The following SH3RF2 variants were observed in gnomAD, a reference collection of about 807,000 sequenced individuals.
SH3RF2 encodes SH3 domain containing ring finger 2, also known as E3 ubiquitin-protein ligase SH3RF2.
Under a neutral mutation model 59.0 loss-of-function variants are expected in SH3RF2, and 43 were observed. The observed-to-expected ratio is 0.73, with a 90% confidence interval of 0.57 to 0.94. The LOEUF (loss-of-function observed/expected upper bound fraction) is 0.94, where lower values mean the gene tolerates loss of function less well. Among genes scored for constraint, SH3RF2 ranks in the 40% least tolerant of loss-of-function variants. SH3RF2 has a pLI of 0.00. For missense variants in SH3RF2, 930 were observed against 940.1 expected, an observed-to-expected ratio of 0.99 and a Z score of 0.14; for synonymous variants, 391 against 391.5, an observed-to-expected ratio of 1.00 and a Z score of 0.01.
chr5:146,046,446 T>G (rs771795122), intron 5 of SH3RF2, among the ~76,000 whole-genome samples: 2 of 152,090 alleles, frequency 1.3e-5, no homozygotes, highest in Non-Finnish European at 2.9e-5. Flanking sequence ...ACACACAGAG[T>G]TACCATCATT....
rs1429446703 is a variant in SH3RF2, at chr5:146,057,982, ATC to A, written c.1555+1771_1555+1772del. Reference sequence around the variant, plus strand: ...TCTCTCTCTCTCTATCTATCTATCTATCTATATATATATATTTGATTTAAAAA... The same window carrying A: ...TCTCTCTCTCTCTATCTATCTATCTATATATATATATATTTGATTTAAAAA... On this transcript the variant is annotated intron_variant, in intron 8 of 9. Transcript: ENST00000359120. 6.3e-4 allele frequency among the ~76,000 whole-genome samples: 84 copies of A among 134,146 alleles called. 1 individual carries two copies. Among genetic ancestry groups the A allele is most frequent in the African/African-American group, 2.2e-3 (81 of 37,028 alleles). 88.0% of individuals were successfully genotyped at this position (134,146 alleles called of 152,430 possible). A position where few individuals can be genotyped will look rare whatever the true frequency, so the allele number is the denominator to read the frequency against.
intron 5 of SH3RF2, among the ~76,000 whole-genome samples, chr5:146,041,322 C>T (rs779065442): frequency 2.0e-5 from 3 of 152,172 alleles, no homozygotes; most frequent in Non-Finnish European, 4.4e-5. Flanking sequence ...CACGCTCAGG[C>T]TTACACAGCA....
intron 5 of SH3RF2, among the ~76,000 whole-genome samples, chr5:146,017,336 A>C (rs1164337943): frequency 6.6e-6 from 1 of 151,840 alleles, no homozygotes; most frequent in African/African-American, 2.4e-5. Flanking sequence ...CACATGACAC[A>C]AGTTAGAAAG....
In SH3RF2 at chr5:146,080,217, G is replaced by A. The variant is rs1388362621; in HGVS notation, c.*1791G>A. On this transcript the variant is annotated 3_prime_UTR_variant, in exon 10 of 10. Transcript: ENST00000511217. ...ATAGTTTGCTAATGGTGACATCTGA[G>A]TTGCATCTCCCGGAAATATTGTTTC... 2.0e-5 allele frequency: 3 copies of A among 152,094 alleles called. No homozygotes were observed. The East Asian group carries it at 5.8e-4, about 29-fold the overall frequency. The allele number at this position is 152,094 out of a possible 1,614,324, so 9.4% of individuals were successfully genotyped here. A position where few individuals can be genotyped will look rare whatever the true frequency, so the allele number is the denominator to read the frequency against.
chr5:146,069,982 G>A (rs201125000), intron 9 of SH3RF2, among the ~76,000 whole-genome samples: 23 of 143,272 alleles, frequency 1.6e-4, no homozygotes, highest in East Asian at 4.0e-4. Flanking sequence ...AATGGAAACT[G>A]AAAAAAAAAA....
intron 9 of SH3RF2, among the ~76,000 whole-genome samples, chr5:146,070,719 T>A (rs533735844): frequency 6.6e-6 from 1 of 152,292 alleles, no homozygotes; most frequent in Non-Finnish European, 1.5e-5. Flanking sequence ...AGAGCTGACA[T>A]CTTCTTCCAG....
chr5:145,991,128 G>A (rs937793008), intron 2 of SH3RF2, among the ~76,000 whole-genome samples: 7 of 152,184 alleles, frequency 4.6e-5, no homozygotes, highest in Non-Finnish European at 7.4e-5. Flanking sequence ...AAACATGCTA[G>A]GTGACTTCAG....
chr5:146,070,561 TC>T (rs979711888), intron 9 of SH3RF2, among the ~76,000 whole-genome samples: 1 of 152,190 alleles, frequency 6.6e-6, no homozygotes, highest in Non-Finnish European at 1.5e-5. Context: ...CATTTTGCAT[TC>T]CCCAGGTCAC....
At chr5:145,993,509 C>T (rs1414027746) in intron 2 of SH3RF2, among the ~76,000 whole-genome samples, 8 of 152,244 alleles carry the variant, frequency 5.3e-5, no homozygotes, top group African/African-American at 1.9e-4. Context: ...TTCCATACAT[C>T]TTCTGAAATC....
At chr5:146,059,464 T>C (rs1377608796) in intron 8 of SH3RF2, among the ~76,000 whole-genome samples, 1 of 152,158 alleles carries the variant, frequency 6.6e-6, no homozygotes, top group Non-Finnish European at 1.5e-5. Context: ...CAATGTCTTC[T>C]ATTTCCTATC....
intron 2 of SH3RF2, among the ~76,000 whole-genome samples, chr5:145,982,122 G>A (rs1436005365): frequency 1.3e-5 from 2 of 152,168 alleles, no homozygotes; most frequent in African/African-American, 4.8e-5. Flanking sequence ...GACATTCTGT[G>A]GTGACAAAAG....
intron 2 of SH3RF2, among the ~76,000 whole-genome samples, chr5:145,971,377 G>A (rs1254677739): frequency 6.6e-6 from 1 of 152,176 alleles, no homozygotes; most frequent in South Asian, 2.1e-4. Context: ...AGCTAGTTGA[G>A]GAAAAAAGAG....
intron 4 of SH3RF2, among the ~76,000 whole-genome samples, chr5:146,010,712 T>C (rs183996764): frequency 1.1e-3 from 161 of 152,322 alleles, no homozygotes; most frequent in African/African-American, 3.6e-3. Context: ...TTTTGCCCAC[T>C]TGTTGATGGG....
At chr5:145,987,659 G>A (rs1214083641) in intron 2 of SH3RF2, among the ~76,000 whole-genome samples, 2 of 152,102 alleles carry the variant, frequency 1.3e-5, no homozygotes, top group African/African-American at 4.8e-5. Flanking sequence ...TTATAAGTCT[G>A]ATCTTTGTTT....
intron 5 of SH3RF2, among the ~76,000 whole-genome samples, chr5:146,038,447 A>C (rs1307327010): frequency 6.6e-6 from 1 of 152,228 alleles, no homozygotes. Context: ...ATCTAGAAAA[A>C]ATGTAATGGG....
chr5:145,982,293 C>T (rs1314074979), intron 2 of SH3RF2, among the ~76,000 whole-genome samples: 2 of 152,214 alleles, frequency 1.3e-5, no homozygotes, highest in African/African-American at 4.8e-5. Context: ...CATCAAGATG[C>T]AGGTGCTCCT....
intron 2 of SH3RF2, among the ~76,000 whole-genome samples, chr5:145,991,214 G>C (rs770018785): frequency 4.6e-5 from 7 of 152,174 alleles, no homozygotes; most frequent in Non-Finnish European, 8.8e-5. Context: ...TCTTGGATCT[G>C]CCAATACACT....
chr5:145,986,098 T>C (rs1759694119), intron 2 of SH3RF2, among the ~76,000 whole-genome samples: 1 of 152,204 alleles, frequency 6.6e-6, no homozygotes, highest in African/African-American at 2.4e-5. Flanking sequence ...TTCTTCACTT[T>C]GCAGTTGAGG....
intron 2 of SH3RF2, among the ~76,000 whole-genome samples, chr5:145,963,802 TTTTCTTTC>T (rs1056458806): frequency 2.0e-5 from 3 of 151,546 alleles, no homozygotes; most frequent in Admixed American, 2.0e-4. Context: ...CCTTAATAGT[TTTTCTTTC>T]TTTCTTTCTT....
Sources: gnomAD v4.1 joint callset for allele counts (sites outside exome capture counted in the v4.1 genomes callset) on GRCh38, gnomAD v4.1.1 for gene constraint, MANE v1.5 for transcripts, NCBI Gene and HGNC (gene_info 2026-07-23, HGNC 2026-07-21) for gene names.